The following RFX2 variants were observed in gnomAD, a reference collection of about 807,000 sequenced individuals.
RFX2 encodes the protein regulatory factor X2, also known as DNA-binding protein RFX2.
Under a neutral mutation model 87.8 loss-of-function variants are expected in RFX2, and 20 were observed. The observed-to-expected ratio is 0.23, with a 90% CI of 0.16 to 0.33. RFX2 has a LOEUF of 0.33. Ranked by LOEUF, RFX2 falls within the 10% of genes least tolerant of loss-of-function variation. The pLI is 1.00. For missense variants in RFX2, 767 were observed against 1,012.3 expected, an observed-to-expected ratio of 0.76 and a Z score of 3.29; for synonymous variants, 397 against 431.3, an observed-to-expected ratio of 0.92 and a Z score of 0.98.
intron 16 of RFX2, among the ~76,000 whole-genome samples, chr19:5,995,901 T>C (rs1052126063): frequency 3.3e-5 from 5 of 152,100 alleles, no homozygotes; most frequent in African/African-American, 9.7e-5. Flanking sequence ...AGCAGCTGGC[T>C]CCCAAAGTCC....
chr19:6,018,174 T>C (rs1464954163), intron 6 of RFX2, among the ~76,000 whole-genome samples: 1 of 152,194 alleles, frequency 6.6e-6, no homozygotes, highest in Non-Finnish European at 1.5e-5. Flanking sequence ...AGATGGGATT[T>C]TGCCATGTTG....
chr19:6,084,282 A>G (rs374676275), intron 1 of RFX2, among the ~76,000 whole-genome samples: 292 of 152,378 alleles, frequency 1.9e-3, no homozygotes, highest in African/African-American at 6.7e-3. Flanking sequence ...GAGGCAAACC[A>G]TAAAAAGCAT....
At chr19:6,081,861 G>C (rs985716130) in intron 1 of RFX2, among the ~76,000 whole-genome samples, 1 of 152,346 alleles carries the variant, frequency 6.6e-6, no homozygotes, top group Admixed American at 6.5e-5. Flanking sequence ...GCCGAGGCGG[G>C]CAGATCATGA....
intron 5 of RFX2, among the ~76,000 whole-genome samples, chr19:6,035,850 G>GGGGTGTGTGT (rs1555776252): frequency 2.0e-4 from 27 of 137,248 alleles, no homozygotes; most frequent in African/African-American, 7.8e-4. Context: ...CTTGGTGGGG[G>GGGGTGTGTGT]GTGTGTGTGT....
In RFX2 at chr19:6,002,717, T is replaced by C. The variant is rs2086508917; in HGVS notation, c.1650+4A>G. ...GGCCCTGGGGACGGTGTGGAGGAAG[T>C]CACCTGCACGTTGGCAAAGTCCACG... On this transcript the variant is annotated splice_donor_region_variant and intron_variant, in intron 14 of 17. Transcript: ENST00000303657. This position sits in a 1 kb window ranked among gnomAD's most constrained non-coding sequence, Gnocchi z 6.7. The C allele has an allele frequency of 6.2e-7, 1 of 1,613,052 alleles. No homozygotes were observed. The highest frequency in any genetic ancestry group is 8.5e-7 in the Non-Finnish European group (1 of 1,179,764).
At chr19:6,036,630 G>A (rs910192273) in intron 5 of RFX2, among the ~76,000 whole-genome samples, 6 of 152,248 alleles carry the variant, frequency 3.9e-5, no homozygotes, top group Admixed American at 2.0e-4. Context: ...CCCCAATGAA[G>A]ACAAAAATAT....
Position 6,073,021 on chromosome 19 carries a change from G to T in RFX2, c.-8-25517C>A. On this transcript the variant is annotated intron_variant, in intron 1 of 17. Coordinates refer to ENST00000303657, the MANE Select transcript of RFX2 (RefSeq NM_000635.4). ...TTGAGACAGAGTCTCACTCTGTTGT[G>T]CAGGCTGCAGTGCAGTGGTGCGATC... 9.6e-6 allele frequency: 5 copies of T among 520,282 alleles called. No individual in the cohort carries two copies. The South Asian group carries it at 9.6e-5, about 10-fold the overall frequency. The allele number at this position is 520,282 out of a possible 1,614,324, so 32.2% of individuals were successfully genotyped here. A position where few individuals can be genotyped will look rare whatever the true frequency, so the allele number is the denominator to read the frequency against.
intron 1 of RFX2, among the ~76,000 whole-genome samples, chr19:6,080,029 A>T (rs1319973296): frequency 6.6e-6 from 1 of 151,232 alleles, no homozygotes; most frequent in Non-Finnish European, 1.5e-5. Context: ...GCCCAGCCCC[A>T]TTCTAGGCTC....
Position 6,012,631 on chromosome 19 carries a change from G to T in RFX2, c.899+355C>A, listed in dbSNP as rs1318262741. Among the ~76,000 whole-genome samples the T allele has an allele frequency of 6.6e-6, 1 of 152,176 alleles. No individual in the cohort carries two copies. Among genetic ancestry groups the T allele is most frequent in the African/African-American group, 2.4e-5 (1 of 41,442 alleles). On this transcript the variant is annotated intron_variant, in intron 8 of 17. Transcript: ENST00000303657. The surrounding 1 kb of genome is among the most constrained non-coding windows in gnomAD (Gnocchi z 4.6). ...TCATGAGCAATGCACCGCTGTGTGG[G>T]GGAGGTGAATGGTGGGAGAGGCGGT... is the stretch of plus-strand genomic sequence containing the variant.
intron 1 of RFX2, among the ~76,000 whole-genome samples, chr19:6,068,949 A>G (rs1010883600): frequency 1.6e-4 from 24 of 152,244 alleles, no homozygotes; most frequent in African/African-American, 5.8e-4. Flanking sequence ...TGAGCCATGG[A>G]GGGGCAAAGC....
At chr19:6,095,149 G>C (rs943315982) in intron 1 of RFX2, among the ~76,000 whole-genome samples, 1 of 152,032 alleles carries the variant, frequency 6.6e-6, no homozygotes, top group Non-Finnish European at 1.5e-5. Flanking sequence ...AATAAAATGC[G>C]GCTACTAGAA....
Position 6,047,584 on chromosome 19 carries a change from G to T in RFX2, c.-8-80C>A. The T allele has an allele frequency of 9.0e-7, 1 of 1,110,420 alleles. No individual in the cohort carries two copies. 68.8% of individuals were successfully genotyped at this position (1,110,420 alleles called of 1,614,324 possible). A position where few individuals can be genotyped will look rare whatever the true frequency, so the allele number is the denominator to read the frequency against. On this transcript the variant is annotated intron_variant, in intron 1 of 17. Transcript: ENST00000303657. This position sits in a 1 kb window ranked among gnomAD's most constrained non-coding sequence, Gnocchi z 4.2. The stretch of plus-strand genomic sequence containing the variant: ...GAAGAGGCAACTAACAAGTTCAAGG[G>T]AGGGAAGGAGTAACCAGCTACATTC...
Position 6,050,315 on chromosome 19 carries a change from A to G in RFX2, c.-8-2811T>C, listed in dbSNP as rs2087251531. Among the ~76,000 whole-genome samples the G allele has an allele frequency of 6.6e-6, 1 of 152,184 alleles. No individual in the cohort carries two copies. Among genetic ancestry groups the G allele is most frequent in the Admixed American group, 6.5e-5 (1 of 15,274 alleles). Reference sequence around the variant, plus strand: ...ACCATGAGCTATGAAAAGAAACAGGAAAGTGTAACATACACTCAAAAGAAA... The same window carrying G: ...ACCATGAGCTATGAAAAGAAACAGGGAAGTGTAACATACACTCAAAAGAAA... On this transcript the variant is annotated intron_variant, in intron 1 of 17. Transcript: ENST00000303657. This position sits in a 1 kb window ranked among gnomAD's most constrained non-coding sequence, Gnocchi z 4.6.
At chr19:6,049,653 T>C (rs2087242953) in intron 1 of RFX2, among the ~76,000 whole-genome samples, 1 of 152,166 alleles carries the variant, frequency 6.6e-6, no homozygotes, top group African/African-American at 2.4e-5. Context: ...CTCAGTCCCC[T>C]GAATAGACGA....
At chr19:6,051,256 T>C in intron 1 of RFX2, among the ~76,000 whole-genome samples, 1 of 152,158 alleles carries the variant, frequency 6.6e-6, no homozygotes, top group East Asian at 1.9e-4. Context: ...TTTTTATATA[T>C]TTTATATTTT....
chr19:6,067,238 T>C (rs1317642666), intron 1 of RFX2, among the ~76,000 whole-genome samples: 1 of 152,172 alleles, frequency 6.6e-6, no homozygotes, highest in Non-Finnish European at 1.5e-5. Flanking sequence ...AAATGAATCA[T>C]GGATTAAGCT....
intron 1 of RFX2, among the ~76,000 whole-genome samples, chr19:6,082,994 A>G (rs1258695398): frequency 1.3e-5 from 2 of 152,138 alleles, no homozygotes; most frequent in East Asian, 3.9e-4. Flanking sequence ...CCCAGGCTGC[A>G]GTGGCACAAA....
chr19:6,093,500 A>T (rs1599928041), intron 1 of RFX2, among the ~76,000 whole-genome samples: 1 of 152,094 alleles, frequency 6.6e-6, no homozygotes, highest in Non-Finnish European at 1.5e-5. Context: ...GTGCCACTGC[A>T]CTCCAGCCTG....
intron 1 of RFX2, among the ~76,000 whole-genome samples, chr19:6,098,186 T>C (rs1350488062): frequency 6.6e-6 from 1 of 151,876 alleles, no homozygotes; most frequent in Non-Finnish European, 1.5e-5. Context: ...TATTCCAGAG[T>C]GTCTATTTGG....
Sources: allele counts gnomAD v4.1 joint callset (sites outside exome capture counted in the v4.1 genomes callset), GRCh38; gene constraint gnomAD v4.1.1; non-coding constraint Gnocchi (gnomAD v3.1); transcripts MANE v1.5; gene names NCBI Gene and HGNC (gene_info 2026-07-23, HGNC 2026-07-21).